NCKAP5: variants seen among roughly 807,000 people sequenced by gnomAD.
The protein encoded by NCKAP5 is NCK associated protein 5, also known as nck-associated protein 5.
A neutral mutation model predicts 167.0 loss-of-function variants in NCKAP5; 92 were observed. The observed-to-expected ratio is 0.55, with a 90% CI of 0.47 to 0.66. NCKAP5 has a LOEUF of 0.66. Ranked by LOEUF, NCKAP5 falls within the 30% of genes least tolerant of loss-of-function variation. The pLI, the probability that NCKAP5 is intolerant of heterozygous loss-of-function variation, is 0.00. For missense variants in NCKAP5, 2,378 were observed against 2,315.0 expected, an observed-to-expected ratio of 1.03 and a Z score of -0.56; for synonymous variants, 891 against 877.4, an observed-to-expected ratio of 1.02 and a Z score of -0.27.
At chr2:133,060,971 C>A (rs535132354) in intron 6 of NCKAP5, among the ~76,000 whole-genome samples, 1 of 151,658 alleles carries the variant, frequency 6.6e-6, no homozygotes, top group African/African-American at 2.4e-5. Flanking sequence ...TTCTTGCCTA[C>A]GAAGCTGCAG....
At chr2:132,810,405 C>A (rs969365722) in intron 11 of NCKAP5, among the ~76,000 whole-genome samples, 1 of 152,100 alleles carries the variant, frequency 6.6e-6, no homozygotes, top group African/African-American at 2.4e-5. Flanking sequence ...TCAGGAACAC[C>A]GATTATTCTT....
chr2:133,597,272 CT>C, the NCKAP5 span, among the ~76,000 whole-genome samples: 2 of 152,142 alleles, frequency 1.3e-5, no homozygotes, highest in Non-Finnish European at 2.9e-5. Flanking sequence ...GACCCCAGAC[CT>C]ACTGAATCAG....
chr2:133,267,500 G>C (rs766382197), intron 4 of NCKAP5: 22 of 152,194 alleles, frequency 1.4e-4, no homozygotes, highest in African/African-American at 3.6e-4. Context: ...TAAAGCTCTT[G>C]GGGGGGAGAA....
chr2:133,401,593 G>T (rs1688100918), intron 3 of NCKAP5, among the ~76,000 whole-genome samples: 1 of 152,148 alleles, frequency 6.6e-6, no homozygotes, highest in Non-Finnish European at 1.5e-5. Context: ...TCATGGGTGT[G>T]TGAAAAACCC....
At chr2:133,566,386 T>A (rs1269650178) in intron 1 of NCKAP5, among the ~76,000 whole-genome samples, 2 of 152,212 alleles carry the variant, frequency 1.3e-5, no homozygotes, top group African/African-American at 4.8e-5. Context: ...TTCTGAACTA[T>A]TTCAACTGCT....
At chr2:133,540,686 A>G (rs1686149955) in intron 2 of NCKAP5, among the ~76,000 whole-genome samples, 1 of 152,180 alleles carries the variant, frequency 6.6e-6, no homozygotes, top group African/African-American at 2.4e-5. Context: ...CTATAATGCC[A>G]GCACTTTGGG....
intron 16 of NCKAP5, among the ~76,000 whole-genome samples, chr2:132,754,423 G>C (rs1489066457): frequency 6.6e-6 from 1 of 152,176 alleles, no homozygotes; most frequent in East Asian, 1.9e-4. Context: ...GGGTTGACTA[G>C]TCACCCAAAA....
intron 8 of NCKAP5, among the ~76,000 whole-genome samples, chr2:132,880,337 T>C (rs1309331648): frequency 6.6e-6 from 1 of 152,114 alleles, no homozygotes; most frequent in Non-Finnish European, 1.5e-5. Context: ...TACTAACACA[T>C]AGAAATGATA....
intron 3 of NCKAP5, among the ~76,000 whole-genome samples, chr2:133,513,681 C>T (rs1167978746): frequency 1.3e-5 from 2 of 152,078 alleles, no homozygotes; most frequent in African/African-American, 4.8e-5. Context: ...CCTTTTTTTC[C>T]TCTACAAGCT....
the NCKAP5 span, among the ~76,000 whole-genome samples, chr2:133,662,468 G>C: frequency 6.6e-6 from 1 of 151,136 alleles, no homozygotes; most frequent in Admixed American, 6.6e-5. Flanking sequence ...GAAATATATG[G>C]CTTATAACAT....
intron 4 of NCKAP5, among the ~76,000 whole-genome samples, chr2:133,245,659 C>T (rs1343312589): frequency 6.6e-6 from 1 of 151,906 alleles, no homozygotes; most frequent in East Asian, 1.9e-4. Context: ...GGCGCAATCC[C>T]TATTTTCAAT....
At chr2:133,262,816 A>C (rs955919829) in intron 4 of NCKAP5, among the ~76,000 whole-genome samples, 1 of 152,312 alleles carries the variant, frequency 6.6e-6, no homozygotes, top group African/African-American at 2.4e-5. Context: ...AAAAGCAGGA[A>C]GGCTTGTTCT....
intron 1 of NCKAP5, among the ~76,000 whole-genome samples, chr2:133,561,757 G>A (rs1354803561): frequency 6.6e-6 from 1 of 152,200 alleles, no homozygotes; most frequent in African/African-American, 2.4e-5. Flanking sequence ...ATGGTGACTT[G>A]AGAATATAAC....
intron 3 of NCKAP5, among the ~76,000 whole-genome samples, chr2:133,319,998 A>T (rs933824474): frequency 6.6e-6 from 1 of 152,084 alleles, no homozygotes; most frequent in Non-Finnish European, 1.5e-5. Flanking sequence ...AGCCTTTAGG[A>T]TTATTATTCA....
At chr2:132,853,075 G>C (rs1340584297) in intron 11 of NCKAP5, among the ~76,000 whole-genome samples, 1 of 152,170 alleles carries the variant, frequency 6.6e-6, no homozygotes, top group Non-Finnish European at 1.5e-5. Context: ...TGATTGTGCA[G>C]CATAGTGCCC....
At chr2:133,581,302 A>T in the NCKAP5 span, among the ~76,000 whole-genome samples, 17 of 152,202 alleles carry the variant, frequency 1.1e-4, no homozygotes, top group Non-Finnish European at 2.2e-4. Context: ...TGGTTATCTT[A>T]TTGGACACCT....
At chr2:133,616,634 A>T in the NCKAP5 span, among the ~76,000 whole-genome samples, 7 of 151,208 alleles carry the variant, frequency 4.6e-5, no homozygotes, top group Non-Finnish European at 1.0e-4. Flanking sequence ...GACCAATAAC[A>T]GGAGCTGAAA....
chr2:132,949,964 G>T (rs762539549), intron 8 of NCKAP5, among the ~76,000 whole-genome samples: 8 of 152,034 alleles, frequency 5.3e-5, no homozygotes, highest in African/African-American at 9.7e-5. Flanking sequence ...CATAGTGGTG[G>T]GCACCTGTAA....
At chr2:133,339,049 A>G (rs1285024905) in intron 3 of NCKAP5, among the ~76,000 whole-genome samples, 2 of 152,042 alleles carry the variant, frequency 1.3e-5, no homozygotes, top group Admixed American at 1.3e-4. Flanking sequence ...ATAAAATACA[A>G]GGTCACTTTC....
Sources: gnomAD v4.1 joint callset for allele counts (sites outside exome capture counted in the v4.1 genomes callset) on GRCh38, gnomAD v4.1.1 for gene constraint, MANE v1.5 for transcripts, NCBI Gene and HGNC (gene_info 2026-07-23, HGNC 2026-07-21) for gene names.